Variants in ZSWIM5 observed in about 807,000 individuals in gnomAD.
The protein encoded by ZSWIM5 is zinc finger SWIM domain-containing protein 5.
ZSWIM5 carries 55 observed loss-of-function variants against 119.6 expected under a neutral mutation model. That is an observed-to-expected ratio of 0.46 (90% CI 0.37 to 0.58). The LOEUF (loss-of-function observed/expected upper bound fraction) is 0.58. Ranked by LOEUF, ZSWIM5 falls within the 20% of genes least tolerant of loss-of-function variation. The pLI is 0.00. For missense variants in ZSWIM5, 1,193 were observed against 1,512.8 expected (o/e 0.79, Z 3.51); for synonymous variants, 537 against 606.9 (o/e 0.88, Z 1.69).
chr1:45,134,901 T>C (rs1645679984), intron 1 of ZSWIM5, among the ~76,000 whole-genome samples: 2 of 152,238 alleles, frequency 1.3e-5, no homozygotes, highest in Admixed American at 1.3e-4. Flanking sequence ...TGTTGTAGCA[T>C]ATGAAAGGAT....
intron 1 of ZSWIM5, among the ~76,000 whole-genome samples, chr1:45,126,104 GA>G (rs951314326): frequency 6.8e-6 from 1 of 146,828 alleles, no homozygotes; most frequent in African/African-American, 2.5e-5. Context: ...AATTTTAAAG[GA>G]AAAAAAAATC....
intron 1 of ZSWIM5, among the ~76,000 whole-genome samples, chr1:45,176,133 CATATATATATATAATATATATT>C (rs890556428): frequency 1.4e-5 from 2 of 148,050 alleles, no homozygotes; most frequent in East Asian, 3.9e-4. Flanking sequence ...AACTGAATGC[CATATATATATATAATATATATT>C]ATATATATAT....
chr1:45,180,109 G>T (rs186341693), intron 1 of ZSWIM5, among the ~76,000 whole-genome samples: 2 of 152,276 alleles, frequency 1.3e-5, no homozygotes, highest in Admixed American at 1.3e-4. Context: ...CGCACTGTGC[G>T]CCAGCCGAAG....
chr1:45,133,258 C>A (rs1645669411), intron 1 of ZSWIM5, among the ~76,000 whole-genome samples: 1 of 152,238 alleles, frequency 6.6e-6, no homozygotes, highest in Non-Finnish European at 1.5e-5. Context: ...TGTTTCTCCA[C>A]ATCCTCTACA....
chr1:45,163,812 G>A (rs1645880897), intron 1 of ZSWIM5, among the ~76,000 whole-genome samples: 1 of 152,126 alleles, frequency 6.6e-6, no homozygotes, highest in Non-Finnish European at 1.5e-5. Context: ...AAGAAATATG[G>A]GACAATGTGA....
At chr1:45,107,643 A>C (rs1391682016) in intron 1 of ZSWIM5, among the ~76,000 whole-genome samples, 2 of 101,634 alleles carry the variant, frequency 2.0e-5, no homozygotes, top group African/African-American at 4.1e-5. Flanking sequence ...CTCTGTCTCA[A>C]AAAAAAAAAA....
chr1:45,053,956 T>A (rs1378699109), intron 4 of ZSWIM5, among the ~76,000 whole-genome samples: 1 of 152,092 alleles, frequency 6.6e-6, no homozygotes, highest in African/African-American at 2.4e-5. Flanking sequence ...AAGACTGTTA[T>A]CAGTATCCAG....
chr1:45,073,340 C>T (rs151003755), intron 2 of ZSWIM5, among the ~76,000 whole-genome samples: 3 of 144,214 alleles, frequency 2.1e-5, no homozygotes, highest in African/African-American at 7.8e-5. Context: ...CTCACTGCAA[C>T]CTCTGCCTCC....
chr1:45,028,238 G>T (rs1023707307), intron 11 of ZSWIM5, among the ~76,000 whole-genome samples: 1 of 151,900 alleles, frequency 6.6e-6, no homozygotes, highest in East Asian at 1.9e-4. Context: ...TATTTTTTTT[G>T]TTGTTCATGC....
In ZSWIM5 at chr1:45,198,957, G is replaced by A. The variant is rs1318642604; in HGVS notation, c.595+6799C>T. 4.6e-5 allele frequency among the ~76,000 whole-genome samples: 7 copies of A among 152,148 alleles called. No individual in the cohort carries two copies. In the South Asian group the frequency reaches 1.5e-3, roughly 32 times the overall value. On this transcript the variant is annotated intron_variant, in intron 1 of 13. Coordinates refer to ENST00000359600, the MANE Select transcript of ZSWIM5 (RefSeq NM_020883.2). ...CCCTTATACACTTTCATTTATCTCA[G>A]GTAAATACCTAAGAGTAGGATTGCT...
Position 45,034,374 on chromosome 1 carries a change from G to A in ZSWIM5, c.2387C>T (p.Thr796Met), listed in dbSNP as rs148474456. 5.1e-4 allele frequency: 827 copies of A among 1,613,998 alleles called. 1 individual carries two copies. Among genetic ancestry groups the A allele is most frequent in the Middle Eastern group, 4.6e-3 (28 of 6,024 alleles). Residue 796 changes from threonine to methionine, a missense_variant, in exon 11 of 14, where the codon ACG becomes ATG. By Grantham distance (81) the Thr-to-Met change is moderately conservative. Coordinates refer to ENST00000359600, the MANE Select transcript of ZSWIM5 (RefSeq NM_020883.2). ...VVPSRYPRWF[T>M]LGHLESQQCE... Reference sequence around the variant, plus strand: ...CTGCTGTGATTCCAAGTGTCCAAGCGTGAACCAGCGAGGATAACGGCTGGG... The same window carrying A: ...CTGCTGTGATTCCAAGTGTCCAAGCATGAACCAGCGAGGATAACGGCTGGG...
rs546065645 is a variant in ZSWIM5, at chr1:45,164,383, C to T, written c.595+41373G>A. Reference sequence around the variant, plus strand: ...GCAAAAACATGACAAATTGTAAAAACCATTGATGCTAGGAAGAAACTACAT... The same window carrying T: ...GCAAAAACATGACAAATTGTAAAAATCATTGATGCTAGGAAGAAACTACAT... On this transcript the variant is annotated intron_variant, in intron 1 of 13. Coordinates refer to ENST00000359600, the MANE Select transcript of ZSWIM5 (RefSeq NM_020883.2). Among the ~76,000 whole-genome samples the T allele has an allele frequency of 2.2e-4, 33 of 152,234 alleles. No individual in the cohort carries two copies. In the South Asian group the frequency reaches 6.2e-3, roughly 29 times the overall value.
intron 1 of ZSWIM5, among the ~76,000 whole-genome samples, chr1:45,136,829 G>A (rs1163751100): frequency 6.6e-6 from 1 of 152,044 alleles, no homozygotes; most frequent in Admixed American, 6.6e-5. Context: ...TAATTCTTCA[G>A]GGTTCCAATA....
intron 1 of ZSWIM5, among the ~76,000 whole-genome samples, chr1:45,170,982 T>C (rs1438016937): frequency 6.6e-6 from 1 of 152,136 alleles, no homozygotes; most frequent in Non-Finnish European, 1.5e-5. Flanking sequence ...ATAGTAATAG[T>C]AAAAATGTAA....
At chr1:45,084,544 G>A (rs1031051909) in intron 2 of ZSWIM5, among the ~76,000 whole-genome samples, 1 of 152,060 alleles carries the variant, frequency 6.6e-6, no homozygotes, top group Non-Finnish European at 1.5e-5. Flanking sequence ...CTTATGAGCC[G>A]GTAAAATCAA....
chr1:45,123,153 C>A (rs377148360), intron 1 of ZSWIM5, among the ~76,000 whole-genome samples: 1 of 151,926 alleles, frequency 6.6e-6, no homozygotes, highest in Non-Finnish European at 1.5e-5. Context: ...CCAGCTAAAA[C>A]GGAAGTTTAA....
intron 1 of ZSWIM5, among the ~76,000 whole-genome samples, chr1:45,111,982 T>TG (rs1645521298): frequency 6.6e-6 from 1 of 152,240 alleles, no homozygotes; most frequent in South Asian, 2.1e-4. Context: ...TCATACTGCC[T>TG]GGGTTCATAT....
At chr1:45,020,243 C>A in intron 12 of ZSWIM5, 96 bp from the exon 13 acceptor site, 1 of 1,004,364 alleles carries the variant, frequency 1.0e-6, no homozygotes, top group Admixed American at 1.9e-5. Flanking sequence ...TTTTCTGGTG[C>A]TTTAAACAGT....
chr1:45,081,887 G>A (rs1309301813), intron 2 of ZSWIM5, among the ~76,000 whole-genome samples: 1 of 152,094 alleles, frequency 6.6e-6, no homozygotes, highest in Non-Finnish European at 1.5e-5. Flanking sequence ...GAATAGAAAG[G>A]GGGGAAAGGT....
Sources: allele counts gnomAD v4.1 joint callset (sites outside exome capture counted in the v4.1 genomes callset), GRCh38; gene constraint gnomAD v4.1.1; transcripts MANE v1.5; gene names NCBI Gene and HGNC (gene_info 2026-07-23, HGNC 2026-07-21).